Variants in SERPINI1 observed in about 807,000 individuals in gnomAD.
SERPINI1 encodes serpin family I member 1.
A neutral mutation model predicts 41.1 loss-of-function variants in SERPINI1; 19 were observed. The observed-to-expected ratio is 0.46, with a 90% CI of 0.32 to 0.68. The LOEUF (loss-of-function observed/expected upper bound fraction) is 0.68, where lower values mean the gene tolerates loss of function less well. Ranked by LOEUF, SERPINI1 falls within the 30% of genes least tolerant of loss-of-function variation. The pLI is 0.03. For synonymous variants in SERPINI1, 138 were observed against 156.6 expected, an observed-to-expected ratio of 0.88 and a Z score of 0.89; for missense variants, 460 against 479.2, an observed-to-expected ratio of 0.96 and a Z score of 0.37.
chr3:167,752,167 A>G (rs1492027), intron 1 of SERPINI1, among the ~76,000 whole-genome samples: 50,134 of 151,832 alleles, frequency 0.33, 10,683 homozygotes, highest in African/African-American at 0.62. Context: ...GCCATAGGGC[A>G]CCTCTTCTCC....
chr3:167,800,944 A>T (rs1036129136), intron 5 of SERPINI1, among the ~76,000 whole-genome samples: 5 of 152,160 alleles, frequency 3.3e-5, no homozygotes, highest in African/African-American at 1.2e-4. Flanking sequence ...CAGCCTCCTA[A>T]GTAGCTGGGA....
rs1463580724 is a variant in SERPINI1, at chr3:167,774,330, A to G, written c.-18-14781A>G. On this transcript the variant is annotated intron_variant, in intron 1 of 8. Coordinates refer to ENST00000446050, the MANE Select transcript of SERPINI1 (RefSeq NM_001122752.2). ...TTATTTGCATTGGTGTCAGAATCCC[A>G]TTAGCCTAATTCATCTTACCAAAAG... Among the ~76,000 whole-genome samples, 3 of 152,170 alleles carry G rather than the reference A, an allele frequency of 2.0e-5. No homozygotes were observed. The South Asian group carries it at 6.2e-4, about 31-fold the overall frequency.
At chr3:167,739,358 TAGAC>T (rs1302785307) in intron 1 of SERPINI1, among the ~76,000 whole-genome samples, 2 of 152,216 alleles carry the variant, frequency 1.3e-5, no homozygotes, top group South Asian at 2.1e-4. Context: ...TGCGCTTTGA[TAGAC>T]AGAGTCAGCT....
intron 1 of SERPINI1, among the ~76,000 whole-genome samples, chr3:167,756,799 T>C (rs932183437): frequency 1.3e-5 from 2 of 152,206 alleles, no homozygotes; most frequent in Non-Finnish European, 2.9e-5. Context: ...TTTCCATTAA[T>C]CCAAAGAAGA....
chr3:167,755,798 T>C lies in SERPINI1; in HGVS notation c.-19+19975T>C, dbSNP rs1341419464. Among the ~76,000 whole-genome samples the C allele has an allele frequency of 4.0e-5, 6 of 149,482 alleles. No homozygotes were observed. The East Asian group carries it at 1.2e-3, about 29-fold the overall frequency. On this transcript the variant is annotated intron_variant, in intron 1 of 8. Coordinates refer to ENST00000446050, the MANE Select transcript of SERPINI1 (RefSeq NM_001122752.2). Reference sequence around the variant, plus strand: ...TAAAACAAGTAGGTGTTGCTGATTTTTTTTTTTTTTTTTTTTTGGCTGTGG... The same window carrying C: ...TAAAACAAGTAGGTGTTGCTGATTTCTTTTTTTTTTTTTTTTTGGCTGTGG...
chr3:167,756,622 T>C (rs536737559), intron 1 of SERPINI1, among the ~76,000 whole-genome samples: 1 of 152,178 alleles, frequency 6.6e-6, no homozygotes, highest in Non-Finnish European at 1.5e-5. Context: ...AAAATTGCTT[T>C]TGTAATTAAA....
At chr3:167,763,453 C>T (rs772407555) in intron 1 of SERPINI1, among the ~76,000 whole-genome samples, 3 of 151,734 alleles carry the variant, frequency 2.0e-5, no homozygotes, top group Non-Finnish European at 4.4e-5. Flanking sequence ...GATCTTGGCT[C>T]ACTGCAACCT....
chr3:167,748,139 A>G (rs1375074894), intron 1 of SERPINI1, among the ~76,000 whole-genome samples: 3 of 152,132 alleles, frequency 2.0e-5, no homozygotes, highest in Non-Finnish European at 2.9e-5. Flanking sequence ...AATGACAAAT[A>G]CTAAACAAAT....
intron 6 of SERPINI1, among the ~76,000 whole-genome samples, chr3:167,812,832 T>G (rs191203945): frequency 1.1e-3 from 163 of 152,352 alleles, no homozygotes; most frequent in Non-Finnish European, 1.9e-3. Flanking sequence ...TTATAGAAAG[T>G]GCTGAGAATC....
intron 1 of SERPINI1, among the ~76,000 whole-genome samples, chr3:167,783,861 C>CA (rs1271729126): frequency 6.6e-6 from 1 of 152,186 alleles, no homozygotes; most frequent in African/African-American, 2.4e-5. Flanking sequence ...TGTGGATAGA[C>CA]ACGTGTGTTT....
chr3:167,783,830 A>G (rs1727218018), intron 1 of SERPINI1, among the ~76,000 whole-genome samples: 1 of 152,234 alleles, frequency 6.6e-6, no homozygotes, highest in Admixed American at 6.5e-5. Flanking sequence ...TTGCCTTCAA[A>G]AGGAAGAAAG....
Position 167,763,992 on chromosome 3 carries a change from T to C in SERPINI1, c.-18-25119T>C, listed in dbSNP as rs550676081. On this transcript the variant is annotated intron_variant, in intron 1 of 8. Coordinates refer to ENST00000446050, the MANE Select transcript of SERPINI1 (RefSeq NM_001122752.2). ...CTAATGATCTTTAGAGAGCACACAC[T>C]ATTGAATTATACTAGGATCTAAATC... Among the ~76,000 whole-genome samples, 3 of 146,362 alleles carry C rather than the reference T, an allele frequency of 2.0e-5. No homozygotes were observed. In the South Asian group the frequency reaches 6.3e-4, roughly 31 times the overall value.
chr3:167,757,812 G>A (rs1240380282), intron 1 of SERPINI1, among the ~76,000 whole-genome samples: 2 of 152,136 alleles, frequency 1.3e-5, no homozygotes, highest in Middle Eastern at 3.4e-3. Flanking sequence ...CCAGCTACTC[G>A]GGAGGCTGAG....
chr3:167,790,302 G>A (rs917959864), intron 2 of SERPINI1, 70 bp from the exon 3 acceptor site: 1 of 1,170,894 alleles, frequency 8.5e-7, no homozygotes, highest in Non-Finnish European at 1.3e-6. Context: ...GTGCTTTAAT[G>A]CTCCTCCACT....
Position 167,790,611 on chromosome 3 carries a change from C to G in SERPINI1, c.481+9C>G, listed in dbSNP as rs760918074. On this transcript the variant is annotated intron_variant, in intron 3 of 8. Transcript: ENST00000446050. ...GGAGAATAACACAAACAGTATGTCA[C>G]TTGGTTCCTTTCTTCCTCTAGTAGC... The G allele has an allele frequency of 6.3e-7, 1 of 1,592,694 alleles. No homozygotes were observed. Among genetic ancestry groups the G allele is most frequent in the Non-Finnish European group, 8.6e-7 (1 of 1,161,240 alleles).
intron 1 of SERPINI1, among the ~76,000 whole-genome samples, chr3:167,737,481 TA>T (rs888755312): frequency 3.1e-4 from 46 of 147,546 alleles, no homozygotes; most frequent in African/African-American, 6.4e-4. Flanking sequence ...ATTTTGGGGG[TA>T]AAAAAAAAAG....
intron 1 of SERPINI1, among the ~76,000 whole-genome samples, chr3:167,750,310 T>C (rs1726001976): frequency 6.6e-6 from 1 of 152,224 alleles, no homozygotes; most frequent in Non-Finnish European, 1.5e-5. Context: ...ACACATTATG[T>C]AACATATCTT....
intron 1 of SERPINI1, among the ~76,000 whole-genome samples, chr3:167,786,062 A>G (rs553922296): frequency 6.6e-6 from 1 of 152,362 alleles, no homozygotes; most frequent in East Asian, 1.9e-4. Context: ...CTCCTCGGCT[A>G]CAAACTTGTA....
rs1358605715 is a variant in SERPINI1 at position 167,825,513 on chromosome 3, T to A, written c.*190T>A. ...ATCAGTATTAAGCTAATGGTCCTGT[T>A]ATGTCATTGTGTTTGTGTGCTGTTG... On this transcript the variant is annotated 3_prime_UTR_variant, in exon 9 of 9. Transcript: ENST00000446050. 1.8e-6 allele frequency: 1 copy of A among 568,098 alleles called. No homozygotes were observed. Among genetic ancestry groups the A allele is most frequent in the African/African-American group, 1.9e-5 (1 of 53,156 alleles). The allele number at this position is 568,098 out of a possible 1,614,324, so 35.2% of individuals were successfully genotyped here. A position where few individuals can be genotyped will look rare whatever the true frequency, so the allele number is the denominator to read the frequency against.
Sources: allele counts gnomAD v4.1 joint callset (sites outside exome capture counted in the v4.1 genomes callset), GRCh38; gene constraint gnomAD v4.1.1; transcripts MANE v1.5; gene names NCBI Gene and HGNC (gene_info 2026-07-23, HGNC 2026-07-21).